The following PCDHGB4 variants were observed in gnomAD, a reference collection of about 807,000 sequenced individuals.
PCDHGB4 encodes the protein protocadherin gamma-B4.
In PCDHGB4, 38 loss-of-function variants were observed where a neutral mutation model predicts 60.5. That is an observed-to-expected ratio of 0.63 (90% confidence interval 0.48 to 0.82). The LOEUF is 0.82. Among genes scored for constraint, PCDHGB4 ranks in the 40% least tolerant of loss-of-function variants. PCDHGB4 has a pLI of 0.00. For missense variants in PCDHGB4, 1,109 were observed against 1,209.6 expected (o/e 0.92, Z 1.23); for synonymous variants, 456 against 509.7 (o/e 0.89, Z 1.42).
intron 1 of PCDHGB4, chr5:141,409,801 G>A: frequency 1.2e-6 from 2 of 1,611,946 alleles, no homozygotes; most frequent in South Asian, 2.2e-5. Context: ...TCACGCTGCA[G>A]GCCCGCGACC....
Position 141,490,965 on chromosome 5 carries a change from C to G in PCDHGB4, c.2398-3842C>G. On this transcript the variant is annotated intron_variant, in intron 1 of 3. Coordinates refer to ENST00000519479, the MANE Select transcript of PCDHGB4 (RefSeq NM_003736.4). This position sits in a 1 kb window ranked among gnomAD's most constrained non-coding sequence, Gnocchi z 5.4. ...CACGGCCAGACTGGGAACACTCAGC[C>G]CCCCAGCGTCTCCCTCGCTCTGCTC... is the stretch of plus-strand genomic sequence containing the variant. 5 of 1,613,856 alleles carry G rather than the reference C, an allele frequency of 3.1e-6. No homozygotes were observed. The highest frequency in any genetic ancestry group is 3.3e-4 in the Middle Eastern group (2 of 6,062).
chr5:141,389,906 T>A lies in PCDHGB4; in HGVS notation c.2022T>A (p.Thr674=). The change falls in exon 1 of 4, where the codon ACT becomes ACA. Residue 674 remains threonine (T), a synonymous_variant. Coordinates refer to ENST00000519479, the MANE Select transcript of PCDHGB4 (RefSeq NM_003736.4). ...DSLQEVLPDI[T]DRPDPSDLQA... is the part of the protein sequence containing the mutation. ...TGCAGGAGGTGCTGCCGGATATCAC[T>A]GACCGCCCCGACCCCTCTGACCTCC... 6.2e-7 allele frequency: 1 copy of A among 1,614,086 alleles called. No individual in the cohort carries two copies. Among genetic ancestry groups the A allele is most frequent in the Non-Finnish European group, 8.5e-7 (1 of 1,179,910 alleles).
chr5:141,421,420 G>C, intron 1 of PCDHGB4: 1 of 1,614,084 alleles, frequency 6.2e-7, no homozygotes, highest in Non-Finnish European at 8.5e-7. Context: ...GAAGCGCGGA[G>C]TCCGCATCGT....
At chr5:141,457,933 TATTGGC>T (rs2098933012) in intron 1 of PCDHGB4, among the ~76,000 whole-genome samples, 2 of 152,206 alleles carry the variant, frequency 1.3e-5, no homozygotes, top group Non-Finnish European at 2.9e-5. Context: ...AAGGGGCTTT[TATTGGC>T]TCTGCATGTC....
In PCDHGB4 at chr5:141,485,872, G is replaced by A; in HGVS notation, c.2398-8935G>A. ...CCGCAGAGCTCCGGGTATCCGTGCT[G>A]GACGTAAACGACAACGCCCCAGCCT... On this transcript the variant is annotated intron_variant, in intron 1 of 3. Transcript: ENST00000519479. The surrounding 1 kb of genome is among the most constrained non-coding windows in gnomAD (Gnocchi z 5.7). 1 of 1,614,170 alleles carries A rather than the reference G, an allele frequency of 6.2e-7. No homozygotes were observed. The highest frequency in any genetic ancestry group is 2.2e-5 in the East Asian group (1 of 44,876).
chr5:141,500,688 T>C (rs2099802014), intron 2 of PCDHGB4, among the ~76,000 whole-genome samples: 1 of 152,224 alleles, frequency 6.6e-6, no homozygotes, highest in Non-Finnish European at 1.5e-5. Flanking sequence ...TATAGCTTTT[T>C]TCTTCTTTGC....
intron 1 of PCDHGB4, among the ~76,000 whole-genome samples, chr5:141,458,247 C>T (rs758242859): frequency 4.6e-5 from 7 of 152,100 alleles, no homozygotes; most frequent in South Asian, 2.1e-4. Flanking sequence ...CAAAATGATA[C>T]GGCTCTGATG....
intron 1 of PCDHGB4, chr5:141,400,298 A>G (rs2093998591): frequency 6.2e-7 from 1 of 1,613,974 alleles, no homozygotes; most frequent in Non-Finnish European, 8.5e-7. Context: ...AGCTGCTTCC[A>G]ACCTGGTCTC....
rs755576652 is a variant in PCDHGB4 at position 141,410,511 on chromosome 5, G to A, written c.2397+20230G>A. 4.3e-6 allele frequency: 7 copies of A among 1,613,942 alleles called. No individual in the cohort carries two copies. In the Admixed American group the frequency reaches 8.3e-5, roughly 19 times the overall value. On this transcript the variant is annotated intron_variant, in intron 1 of 3. Transcript: ENST00000519479. ...AAAGAGTTTAATTTCCTAAAATGCA[G>A]TGTGCCCCTACATTCCAATGAAGAC... is the stretch of plus-strand genomic sequence containing the variant.
intron 1 of PCDHGB4, chr5:141,426,874 C>T: frequency 2.2e-6 from 1 of 456,654 alleles, no homozygotes; most frequent in Non-Finnish European, 4.4e-6. Context: ...CTGGAGAAGC[C>T]CCTGGGCCAG....
At position 141,433,275 on chromosome 5, in the gene PCDHGB4, C is replaced by G. The variant is rs1173546273; in HGVS notation, c.2397+42994C>G. 1.5e-5 allele frequency: 19 copies of G among 1,229,998 alleles called. No homozygotes were observed. In the East Asian group the frequency reaches 3.6e-4, roughly 23 times the overall value. The allele number at this position is 1,229,998 out of a possible 1,614,324, so 76.2% of individuals were successfully genotyped here. A position where few individuals can be genotyped will look rare whatever the true frequency, so the allele number is the denominator to read the frequency against. On this transcript the variant is annotated intron_variant, in intron 1 of 3. Transcript: ENST00000519479. ...GCGGTACGATCATAGCTCACTGCAG[C>G]CTCAAACTCCTAGGCTCAAGCAATT...
chr5:141,461,230 G>T (rs945407206), intron 1 of PCDHGB4, among the ~76,000 whole-genome samples: 2 of 152,024 alleles, frequency 1.3e-5, no homozygotes, highest in African/African-American at 4.8e-5. Flanking sequence ...TTCCATAGAG[G>T]TTGTACTAAT....
At position 141,390,867 on chromosome 5, in the gene PCDHGB4, CGTGT is replaced by C. The variant is rs61319619; in HGVS notation, c.2397+604_2397+607del. The C allele has an allele frequency of 5.1e-4, 77 of 151,148 alleles. No homozygotes were observed. The East Asian group carries it at 6.0e-3, about 12-fold the overall frequency. 9.4% of individuals were successfully genotyped at this position (151,148 alleles called of 1,614,324 possible). A position where few individuals can be genotyped will look rare whatever the true frequency, so the allele number is the denominator to read the frequency against. On this transcript the variant is annotated intron_variant, in intron 1 of 3. Coordinates refer to ENST00000519479, the MANE Select transcript of PCDHGB4 (RefSeq NM_003736.4). ...TTATATGCAGTGTACGCTGTGTGTG[CGTGT>C]GTGTGTGTGTGTGTGTGAGAGAGAT...
In PCDHGB4 at chr5:141,421,591, G is replaced by A. The variant is rs1273484124; in HGVS notation, c.2397+31310G>A. The A allele has an allele frequency of 1.9e-6, 3 of 1,613,756 alleles. No homozygotes were observed. In the Admixed American group the frequency reaches 5.0e-5, roughly 27 times the overall value. ...CACCTTGAAGATTTACGGAGTGGAG[G>A]TGGAAATAATAGATATTAATGATAA... is the stretch of plus-strand genomic sequence containing the variant. On this transcript the variant is annotated intron_variant, in intron 1 of 3. Transcript: ENST00000519479.
At chr5:141,408,563 G>T (rs1266893654) in intron 1 of PCDHGB4, 1 of 1,614,040 alleles carries the variant, frequency 6.2e-7, no homozygotes, top group South Asian at 1.1e-5. Flanking sequence ...TCATGTCATT[G>T]TGGTGATTGA....
intron 1 of PCDHGB4, chr5:141,399,271 T>C: frequency 1.2e-6 from 2 of 1,613,926 alleles, no homozygotes; most frequent in Non-Finnish European, 1.7e-6. Flanking sequence ...TAATTGTCAA[T>C]TACAAGGCGA....
intron 1 of PCDHGB4, among the ~76,000 whole-genome samples, chr5:141,444,770 C>A (rs1382748105): frequency 2.6e-5 from 4 of 152,078 alleles, no homozygotes; most frequent in African/African-American, 9.7e-5. Context: ...TTTCTATATT[C>A]TTGATCATGT....
intron 1 of PCDHGB4, chr5:141,393,493 G>A (rs1034199960): frequency 6.2e-7 from 1 of 1,614,046 alleles, no homozygotes; most frequent in Non-Finnish European, 8.5e-7. Context: ...AGCACAGTGC[G>A]CATCCACGTG....
chr5:141,430,617 C>G, intron 1 of PCDHGB4: 1 of 715,450 alleles, frequency 1.4e-6, no homozygotes, highest in South Asian at 3.9e-5. Context: ...AAGCAGATAG[C>G]TAGGAATGAA....
Sources: gnomAD v4.1 joint callset for allele counts (sites outside exome capture counted in the v4.1 genomes callset) on GRCh38, gnomAD v4.1.1 for gene constraint, Gnocchi (gnomAD v3.1) non-coding constraint, MANE v1.5 for transcripts, NCBI Gene and HGNC (gene_info 2026-07-23, HGNC 2026-07-21) for gene names.